The following COL24A1 variants were observed in gnomAD, a reference collection of about 807,000 sequenced individuals.
COL24A1 encodes the protein collagen type XXIV alpha 1 chain, also known as collagen alpha-1(XXIV) chain.
COL24A1 carries 224 observed loss-of-function variants against 253.9 expected under a neutral mutation model. The ratio of observed to expected loss-of-function variants is 0.88; its 90% CI spans 0.79 to 0.99. COL24A1 has a LOEUF of 0.99. Among genes scored for constraint, COL24A1 ranks in the 50% least tolerant of loss-of-function variants. The pLI, the probability that COL24A1 is intolerant of heterozygous loss-of-function variation, is 0.00. For synonymous variants in COL24A1, 685 were observed against 673.7 expected, an observed-to-expected ratio of 1.02 and a Z score of -0.26; for missense variants, 2,131 against 2,068.5, an observed-to-expected ratio of 1.03 and a Z score of -0.59.
intron 39 of COL24A1, among the ~76,000 whole-genome samples, 191 bp from the exon 40 acceptor site, chr1:85,842,584 CT>C (rs1337878611): frequency 2.0e-5 from 3 of 151,944 alleles, no homozygotes; most frequent in African/African-American, 7.3e-5. Context: ...ACAAAAAGTT[CT>C]GCAACAAATG....
At chr1:85,841,419 C>A in intron 41 of COL24A1, 141 bp from the exon 42 acceptor site, 1 of 589,516 alleles carries the variant, frequency 1.7e-6, no homozygotes, top group Non-Finnish European at 2.9e-6. Context: ...ATGTAAGAAA[C>A]TAAGCCTATG....
At position 86,072,251 on chromosome 1, in the gene COL24A1, A is replaced by C. The variant is rs193165078; in HGVS notation, c.1708-8492T>G. On this transcript the variant is annotated intron_variant, in intron 7 of 59. Transcript: ENST00000370571. ...CCCCCACAGAGCCCATGAAGCTAAA[A>C]TCCACTGGCTTGAAATTCTTGCTGC... 4.6e-3 allele frequency among the ~76,000 whole-genome samples: 699 copies of C among 152,272 alleles called. 8 individuals carry two copies. The highest frequency in any genetic ancestry group is 4.3e-3 in the South Asian group (21 of 4,832).
intron 37 of COL24A1, among the ~76,000 whole-genome samples, chr1:85,860,753 A>G (rs1679050996): frequency 6.6e-6 from 1 of 152,216 alleles, no homozygotes; most frequent in African/African-American, 2.4e-5. Context: ...AAACAAAAAG[A>G]AATAAACAAA....
Position 86,125,813 on chromosome 1 carries a change from C to T in COL24A1, c.523G>A (p.Val175Ile). 6.2e-7 allele frequency: 1 copy of T among 1,613,276 alleles called. No individual in the cohort carries two copies. Among genetic ancestry groups the T allele is most frequent in the South Asian group, 1.1e-5 (1 of 91,054 alleles). Residue 175 changes from valine (V) to isoleucine (I), a missense_variant, in exon 3 of 60, where the codon GTC becomes ATC. Transcript: ENST00000370571. Reference protein sequence around the residue: ...SFAITIRNQSVSMFVECGKKY... With the variant: ...SFAITIRNQSISMFVECGKKY... ...TTTCCACACTCAACAAACATTGAGA[C>T]ACTTTGGTTTCTAATAGTAATGGCA... is the stretch of plus-strand genomic sequence containing the variant.
chr1:85,921,153 AG>A (rs938629953), intron 24 of COL24A1, among the ~76,000 whole-genome samples: 2 of 152,120 alleles, frequency 1.3e-5, no homozygotes, highest in African/African-American at 4.8e-5. Flanking sequence ...GGGAAGTGCA[AG>A]GGGTTGGGGG....
At chr1:85,849,486 A>G (rs2102326085) in intron 37 of COL24A1, 80 bp from the exon 38 acceptor site, 1 of 1,042,826 alleles carries the variant, frequency 9.6e-7, no homozygotes, top group Non-Finnish European at 1.5e-6. Flanking sequence ...CTATCAGATA[A>G]TCACTGGATT....
chr1:85,886,815 T>C (rs1682566290), intron 32 of COL24A1, among the ~76,000 whole-genome samples: 1 of 152,228 alleles, frequency 6.6e-6, no homozygotes, highest in South Asian at 2.1e-4. Context: ...TAATTCTTTA[T>C]ATACATGGTT....
intron 22 of COL24A1, among the ~76,000 whole-genome samples, chr1:85,967,306 T>C (rs189598073): frequency 7.2e-5 from 11 of 152,134 alleles, no homozygotes; most frequent in African/African-American, 2.7e-4. Context: ...AAGTAATAAT[T>C]TAGAAAAGCA....
At chr1:85,799,060 G>A (rs1671121022) in intron 47 of COL24A1, among the ~76,000 whole-genome samples, 1 of 151,962 alleles carries the variant, frequency 6.6e-6, no homozygotes, top group South Asian at 2.1e-4. Context: ...AAGTTGACTG[G>A]CCTCAAAACA....
intron 24 of COL24A1, among the ~76,000 whole-genome samples, chr1:85,934,129 A>G (rs1183018147): frequency 6.6e-6 from 1 of 152,170 alleles, no homozygotes; most frequent in Non-Finnish European, 1.5e-5. Context: ...CTGAGGACAT[A>G]GTAGTTGGCT....
intron 47 of COL24A1, among the ~76,000 whole-genome samples, chr1:85,794,015 C>CA (rs926455727): frequency 4.6e-5 from 7 of 151,420 alleles, no homozygotes; most frequent in East Asian, 1.9e-4. Context: ...ATGTAAGCAG[C>CA]AAAAAAAATA....
chr1:85,855,961 G>C (rs1678390762), intron 37 of COL24A1, among the ~76,000 whole-genome samples: 1 of 152,062 alleles, frequency 6.6e-6, no homozygotes, highest in African/African-American at 2.4e-5. Flanking sequence ...TTTCTTCTAG[G>C]TTTTCTGGTT....
intron 24 of COL24A1, among the ~76,000 whole-genome samples, chr1:85,945,018 T>TTTTTTTTTTTTTG (rs1689172854): frequency 5.8e-5 from 5 of 86,852 alleles, no homozygotes; most frequent in East Asian, 4.2e-4. Flanking sequence ...TTTTTTTTTT[T>TTTTTTTTTTTTTG]TTTTTTTTTT....
chr1:86,125,147 G>T lies in COL24A1; in HGVS notation c.1189C>A (p.Leu397Ile), dbSNP rs1191873016. The change falls in exon 3 of 60, where the codon CTT becomes ATT. Residue 397 changes from leucine to isoleucine, a missense_variant. Physicochemically the swap from Leu to Ile is conservative, Grantham distance 5. Coordinates refer to ENST00000370571, the MANE Select transcript of COL24A1 (RefSeq NM_152890.7). ...LSLFKKMPSILPQIKQDTITN... is the reference protein window; with the variant it reads ...LSLFKKMPSIIPQIKQDTITN... Reference sequence around the variant, plus strand: ...ATTGTATCTTGTTTAATTTGTGGAAGAATAGATGGCATCTTCTTAAACAGT... The same window carrying T: ...ATTGTATCTTGTTTAATTTGTGGAATAATAGATGGCATCTTCTTAAACAGT... 6.2e-7 allele frequency: 1 copy of T among 1,613,334 alleles called. No homozygotes were observed. Among genetic ancestry groups the T allele is most frequent in the South Asian group, 1.1e-5 (1 of 91,066 alleles).
chr1:85,770,224 C>A (rs1333795528), intron 53 of COL24A1, among the ~76,000 whole-genome samples: 1 of 152,018 alleles, frequency 6.6e-6, no homozygotes, highest in Non-Finnish European at 1.5e-5. Context: ...CTTAGGCTAT[C>A]TGAAATAACA....
intron 53 of COL24A1, among the ~76,000 whole-genome samples, chr1:85,767,113 A>AATG (rs1447434570): frequency 6.6e-6 from 1 of 151,074 alleles, no homozygotes; most frequent in African/African-American, 2.4e-5. Context: ...CAATAATAAT[A>AATG]ATAATAATAA....
At chr1:85,985,255 G>A (rs1350914379) in intron 20 of COL24A1, among the ~76,000 whole-genome samples, 1 of 151,700 alleles carries the variant, frequency 6.6e-6, no homozygotes, top group East Asian at 1.9e-4. Context: ...GAAGGGCATA[G>A]GAACATATAT....
Position 85,842,275 on chromosome 1 carries a change from T to C in COL24A1, c.3516+65A>G, listed in dbSNP as rs188433757. 1.1e-5 allele frequency: 15 copies of C among 1,362,952 alleles called. No individual in the cohort carries two copies. In the African/African-American group the frequency reaches 1.3e-4, roughly 12 times the overall value. The allele number at this position is 1,362,952 out of a possible 1,614,324, so 84.4% of individuals were successfully genotyped here. ...AGAGATTTCATCTTAATTTGAATAT[T>C]TGGGATATCATCTTTAATAAAAATG... On this transcript the variant is annotated intron_variant, in intron 40 of 59. Transcript: ENST00000370571.
intron 11 of COL24A1, among the ~76,000 whole-genome samples, chr1:86,047,514 G>C (rs990261907): frequency 6.6e-6 from 1 of 152,060 alleles, no homozygotes; most frequent in Admixed American, 6.6e-5. Context: ...CTTCCTCTGT[G>C]TGTGCCTCAT....
Sources: gnomAD v4.1 joint callset for allele counts (sites outside exome capture counted in the v4.1 genomes callset) on GRCh38, gnomAD v4.1.1 for gene constraint, MANE v1.5 for transcripts, NCBI Gene and HGNC (gene_info 2026-07-23, HGNC 2026-07-21) for gene names.